The following BBX variants were observed in gnomAD, a reference collection of about 807,000 sequenced individuals.
BBX encodes BBX high mobility group box domain containing.
Under a neutral mutation model 100.2 loss-of-function variants are expected in BBX, and 30 were observed. The observed-to-expected ratio is 0.30, with a 90% CI of 0.22 to 0.41. The LOEUF is 0.41. BBX is among the 10% of genes least tolerant of loss of function. The probability of loss-of-function intolerance (pLI) is 1.00; values close to 1 mark genes in which losing one functional copy is unlikely to be tolerated. For missense variants in BBX, 1,023 were observed against 1,129.8 expected (o/e 0.91, Z 1.35); for synonymous variants, 376 against 388.1 (o/e 0.97, Z 0.37).
chr3:107,570,360 G>C (rs1175557032), intron 2 of BBX, among the ~76,000 whole-genome samples: 2 of 152,106 alleles, frequency 1.3e-5, no homozygotes, highest in Non-Finnish European at 2.9e-5. Flanking sequence ...GGGGCGGGTT[G>C]GGTAATAAAA....
intron 3 of BBX, among the ~76,000 whole-genome samples, chr3:107,699,493 C>T (rs1233826116): frequency 2.0e-5 from 3 of 151,862 alleles, no homozygotes; most frequent in Admixed American, 2.0e-4. Flanking sequence ...AAGAGACTCC[C>T]TTTAGGAGAA....
chr3:107,757,667 A>G (rs969700287), intron 10 of BBX, among the ~76,000 whole-genome samples: 8 of 152,204 alleles, frequency 5.3e-5, no homozygotes, highest in African/African-American at 1.7e-4. Flanking sequence ...TATATGCACA[A>G]TGGATTAACC....
At position 107,773,328 on chromosome 3, in the gene BBX, A is replaced by T. The variant is rs1559675087; in HGVS notation, c.1607A>T (p.Lys536Met). 1 of 1,614,130 alleles carries T rather than the reference A, an allele frequency of 6.2e-7. No individual in the cohort carries two copies. The highest frequency in any genetic ancestry group is 8.5e-7 in the Non-Finnish European group (1 of 1,180,010). ...PPKKKVKSRE[K>M]KMSKEKSSDT... ...AAGAAAAAAGTGAAATCAAGAGAGA[A>T]GAAAATGTCAAAGGAGAAATCCTCA... Residue 536 changes from lysine to methionine, a missense_variant, in exon 11 of 18, where the codon AAG becomes ATG. Transcript: ENST00000325805. This position sits in a 1 kb window ranked among gnomAD's most constrained non-coding sequence, Gnocchi z 4.1.
intron 3 of BBX, among the ~76,000 whole-genome samples, chr3:107,704,438 G>T (rs73850127): frequency 0.013 from 2,052 of 152,264 alleles, 42 homozygotes; most frequent in African/African-American, 0.048. Context: ...TCCATTTTAT[G>T]TTGCTATAAC....
chr3:107,718,593 A>G (rs2062289054), intron 5 of BBX, among the ~76,000 whole-genome samples: 1 of 152,046 alleles, frequency 6.6e-6, no homozygotes, highest in Non-Finnish European at 1.5e-5. Flanking sequence ...AGTTTGTTTT[A>G]GATTGCTGTT....
chr3:107,591,039 G>T (rs140073027), intron 2 of BBX, among the ~76,000 whole-genome samples: 2 of 152,320 alleles, frequency 1.3e-5, no homozygotes, highest in East Asian at 3.9e-4. Context: ...CAGCTTCCAG[G>T]CATTACCCAC....
At chr3:107,697,850 C>T (rs1177166847) in intron 3 of BBX, among the ~76,000 whole-genome samples, 9 of 151,928 alleles carry the variant, frequency 5.9e-5, no homozygotes, top group African/African-American at 1.7e-4. Context: ...ATCAGGGAGA[C>T]TCCGTGGGCG....
At chr3:107,651,065 C>T (rs1159197687) in intron 3 of BBX, among the ~76,000 whole-genome samples, 9 of 152,124 alleles carry the variant, frequency 5.9e-5, no homozygotes, top group Admixed American at 5.9e-4. Flanking sequence ...CCCATATGAC[C>T]TTGCTTAACT....
chr3:107,746,049 C>T (rs1053304882), intron 8 of BBX, among the ~76,000 whole-genome samples: 15 of 152,054 alleles, frequency 9.9e-5, no homozygotes, highest in Admixed American at 6.5e-5. Context: ...TAATAACATC[C>T]CCCTCCCCCT....
In BBX at chr3:107,773,922, G is replaced by A. The variant is rs2067113114; in HGVS notation, c.1915+286G>A. Among the ~76,000 whole-genome samples the A allele has an allele frequency of 6.6e-6, 1 of 152,042 alleles. No individual in the cohort carries two copies. The highest frequency in any genetic ancestry group is 1.5e-5 in the Non-Finnish European group (1 of 68,006). On this transcript the variant is annotated intron_variant, in intron 11 of 17. Coordinates refer to ENST00000325805, the MANE Select transcript of BBX (RefSeq NM_001142568.3). The surrounding 1 kb of genome is among the most constrained non-coding windows in gnomAD (Gnocchi z 4.1). ...CTGGTATGGGCTGGCTGTTTGTTTT[G>A]AAAGATTATTATTAAATATTCAGAG...
At chr3:107,728,207 A>G (rs1464608582) in intron 5 of BBX, among the ~76,000 whole-genome samples, 1 of 152,216 alleles carries the variant, frequency 6.6e-6, no homozygotes, top group Non-Finnish European at 1.5e-5. Context: ...GTGTGGTTAC[A>G]CTTTATAAGT....
Position 107,789,838 on chromosome 3 carries a change from A to G in BBX, c.2255A>G (p.Tyr752Cys). Reference sequence around the variant, plus strand: ...TTATTCCACAAAATTGTCAGCAAATATAAGCACAAAAAGGAGAAGCCCAAT... The same window carrying G: ...TTATTCCACAAAATTGTCAGCAAATGTAAGCACAAAAAGGAGAAGCCCAAT... ...KNLFHKIVSK[Y>C]KHKKEKPNVP... The change falls in exon 14 of 18, where the codon TAT becomes TGT. Residue 752 changes from tyrosine to cysteine, a missense_variant. Tyr to Cys is a radical substitution (Grantham distance 194). Coordinates refer to ENST00000325805, the MANE Select transcript of BBX (RefSeq NM_001142568.3). 1 of 1,550,560 alleles carries G rather than the reference A, an allele frequency of 6.4e-7. No individual in the cohort carries two copies. The highest frequency in any genetic ancestry group is 8.7e-7 in the Non-Finnish European group (1 of 1,146,154).
chr3:107,729,998 G>T (rs1488052517), intron 6 of BBX, among the ~76,000 whole-genome samples: 1 of 152,048 alleles, frequency 6.6e-6, no homozygotes, highest in African/African-American at 2.4e-5. Flanking sequence ...GAGATGGGAG[G>T]ATCACTTGAG....
At chr3:107,725,049 G>A (rs2062818394) in intron 5 of BBX, among the ~76,000 whole-genome samples, 2 of 152,162 alleles carry the variant, frequency 1.3e-5, no homozygotes, top group Non-Finnish European at 2.9e-5. Flanking sequence ...AGCATGGAAT[G>A]TTCTTCCATT....
rs747675892 is a variant in BBX, at chr3:107,710,444, T to C, written c.-9-8T>C. ...TTCCCTGTTTCTCTCTCTCTCTTCC[T>C]ATTACAGGTCACAGTAATGAAAGGC... On this transcript the variant is annotated splice_polypyrimidine_tract_variant and splice_region_variant and intron_variant, in intron 3 of 17. Transcript: ENST00000325805. The C allele has an allele frequency of 6.2e-7, 1 of 1,601,776 alleles. No individual in the cohort carries two copies. Among genetic ancestry groups the C allele is most frequent in the Admixed American group, 1.7e-5 (1 of 58,868 alleles).
At chr3:107,798,444 T>G (rs2069994801) in intron 15 of BBX, 79 bp from the exon 16 acceptor site, 1 of 1,350,416 alleles carries the variant, frequency 7.4e-7, no homozygotes, top group Non-Finnish European at 1.1e-6. Context: ...GGTCAGAAAT[T>G]TAGACATGTT....
chr3:107,590,739 T>C (rs2053245413), intron 2 of BBX, among the ~76,000 whole-genome samples: 1 of 152,242 alleles, frequency 6.6e-6, no homozygotes, highest in African/African-American at 2.4e-5. Flanking sequence ...GGCCCTTTTA[T>C]TTCAGTGAGT....
intron 10 of BBX, among the ~76,000 whole-genome samples, chr3:107,770,282 A>T (rs1397112719): frequency 2.0e-5 from 3 of 152,208 alleles, no homozygotes; most frequent in African/African-American, 7.2e-5. Flanking sequence ...TCAGCATACC[A>T]CTAAAAACTA....
At position 107,661,508 on chromosome 3, in the gene BBX, A is replaced by G. The variant is rs182460235; in HGVS notation, c.-10+15599A>G. Among the ~76,000 whole-genome samples, 4 of 152,304 alleles carry G rather than the reference A, an allele frequency of 2.6e-5. No homozygotes were observed. The East Asian group carries it at 7.7e-4, about 29-fold the overall frequency. On this transcript the variant is annotated intron_variant, in intron 3 of 17. Transcript: ENST00000325805. The stretch of plus-strand genomic sequence containing the variant: ...CCAAAGATGAAACCCTGTGAAGATG[A>G]ATTTTAATAGGTAAAGTTACAAGCT...
Sources: gnomAD v4.1 joint callset for allele counts (sites outside exome capture counted in the v4.1 genomes callset) on GRCh38, gnomAD v4.1.1 for gene constraint, Gnocchi (gnomAD v3.1) non-coding constraint, MANE v1.5 for transcripts, NCBI Gene and HGNC (gene_info 2026-07-23, HGNC 2026-07-21) for gene names.